KIAA1671: variants seen among roughly 807,000 people sequenced by gnomAD.
The protein encoded by KIAA1671 is KIAA1671.
KIAA1671 carries 52 observed loss-of-function variants against 131.2 expected under a neutral mutation model. The observed-to-expected ratio is 0.40, with a 90% CI of 0.32 to 0.50. The LOEUF (loss-of-function observed/expected upper bound fraction) is 0.50. Among genes scored for constraint, KIAA1671 ranks in the 20% least tolerant of loss-of-function variants. The pLI, the probability that KIAA1671 is intolerant of heterozygous loss-of-function variation, is 0.73. For missense variants in KIAA1671, 2,360 were observed against 2,364.2 expected (o/e 1.00, Z 0.04); for synonymous variants, 1,003 against 961.6 (o/e 1.04, Z -0.80).
chr22:25,170,952 G>C lies in KIAA1671; in HGVS notation c.4649+14G>C. The C allele has an allele frequency of 6.5e-7, 1 of 1,549,524 alleles. No individual in the cohort carries two copies. Among genetic ancestry groups the C allele is most frequent in the Non-Finnish European group, 8.7e-7 (1 of 1,145,158 alleles). On this transcript the variant is annotated intron_variant, in intron 7 of 12. Coordinates refer to ENST00000358431, the MANE Select transcript of KIAA1671 (RefSeq NM_001145206.2). Reference sequence around the variant, plus strand: ...GAGTGGGGAGAGGTAGGACGCGTGCGACGGGATTCTGGCTGCAAAGGGGGC... The same window carrying C: ...GAGTGGGGAGAGGTAGGACGCGTGCCACGGGATTCTGGCTGCAAAGGGGGC...
chr22:25,058,689 T>C (rs1473926362), intron 6 of KIAA1671: 1 of 152,186 alleles, frequency 6.6e-6, no homozygotes, highest in South Asian at 2.1e-4. Flanking sequence ...TAATGAACCA[T>C]CACAGAACTT....
At chr22:24,967,717 G>A (rs1474548379) in intron 1 of KIAA1671, among the ~76,000 whole-genome samples, 1 of 152,208 alleles carries the variant, frequency 6.6e-6, no homozygotes, top group African/African-American at 2.4e-5. Flanking sequence ...TGAGGGCCGG[G>A]CGCGGTGGCT....
At chr22:25,093,812 G>GTCTCTCTCTTTCTC in intron 6 of KIAA1671, among the ~76,000 whole-genome samples, 1 of 31,042 alleles carries the variant, frequency 3.2e-5, no homozygotes, top group African/African-American at 2.2e-4. Context: ...CTCTCTCTCT[G>GTCTCTCTCTTTCTC]TCTCTCTCTC....
At chr22:25,048,916 A>G in intron 5 of KIAA1671, 1 of 293,782 alleles carries the variant, frequency 3.4e-6, no homozygotes, top group South Asian at 4.4e-5. Context: ...CATCATGTAC[A>G]TTCCATGTGC....
At chr22:25,098,621 G>A (rs975195094) in intron 6 of KIAA1671, among the ~76,000 whole-genome samples, 1 of 150,976 alleles carries the variant, frequency 6.6e-6, no homozygotes, top group Non-Finnish European at 1.5e-5. Flanking sequence ...AAACAACTGG[G>A]TGGAGGGGGC....
chr22:25,093,750 CTCTCTCTCTCTCTCTCTG>C (rs1568951044), intron 6 of KIAA1671, among the ~76,000 whole-genome samples: 16 of 119,030 alleles, frequency 1.3e-4, no homozygotes, highest in East Asian at 2.5e-4. Context: ...CTCTCTCTCT[CTCTCTCTCTCTCTCTCTG>C]TCTCTCTCTC....
chr22:25,150,136 C>T (rs1932985686), intron 6 of KIAA1671, among the ~76,000 whole-genome samples: 1 of 152,238 alleles, frequency 6.6e-6, no homozygotes, highest in Non-Finnish European at 1.5e-5. Flanking sequence ...GTGTCCTGAG[C>T]GAGCACCAGA....
At chr22:25,144,736 C>T (rs9620487) in intron 6 of KIAA1671, among the ~76,000 whole-genome samples, 11,204 of 152,112 alleles carry the variant, frequency 0.074, 1,334 homozygotes, top group African/African-American at 0.25. Flanking sequence ...AGGGACTTGC[C>T]CAGGGCCCCA....
At chr22:24,956,931 C>A (rs1197260601) in intron 1 of KIAA1671, among the ~76,000 whole-genome samples, 1 of 151,444 alleles carries the variant, frequency 6.6e-6, no homozygotes, top group Non-Finnish European at 1.5e-5. Context: ...CAGGGCAAAC[C>A]CTGGCCCTGC....
chr22:25,135,595 G>A (rs554949372), intron 6 of KIAA1671, among the ~76,000 whole-genome samples: 39 of 152,298 alleles, frequency 2.6e-4, no homozygotes, highest in Non-Finnish European at 5.0e-4. Context: ...AAGAATTGAA[G>A]TCAGACATGT....
At chr22:25,082,271 C>T (rs1185951142) in intron 6 of KIAA1671, among the ~76,000 whole-genome samples, 3 of 152,098 alleles carry the variant, frequency 2.0e-5, no homozygotes, top group East Asian at 3.9e-4. Flanking sequence ...GTTGGCTTGC[C>T]GTGCACGTGT....
At chr22:25,025,432 TA>T (rs1278079287) in intron 1 of KIAA1671, among the ~76,000 whole-genome samples, 200 bp from the exon 2 acceptor site, 2 of 152,172 alleles carry the variant, frequency 1.3e-5, no homozygotes, top group African/African-American at 4.8e-5. Flanking sequence ...GGAAGATTTT[TA>T]TTGAGCACGT....
chr22:24,961,968 G>A (rs939151971), intron 1 of KIAA1671, among the ~76,000 whole-genome samples: 11 of 152,232 alleles, frequency 7.2e-5, no homozygotes, highest in African/African-American at 2.7e-4. Context: ...CACCAACTGA[G>A]TCTCAGTTTC....
intron 1 of KIAA1671, among the ~76,000 whole-genome samples, chr22:24,984,912 CAAAAAAAAAAAAAA>C (rs60969204): frequency 3.7e-5 from 2 of 54,454 alleles, no homozygotes; most frequent in East Asian, 6.1e-4. Flanking sequence ...GACTACGTCT[CAAAAAAAAAAAAAA>C]AAAAAAAAAA....
intron 1 of KIAA1671, among the ~76,000 whole-genome samples, chr22:25,018,019 ACCTCCT>A (rs369856501): frequency 6.6e-4 from 95 of 144,804 alleles, no homozygotes; most frequent in African/African-American, 2.3e-3. Context: ...GCTGACACCA[ACCTCCT>A]CCTCCTCCTC....
intron 1 of KIAA1671, among the ~76,000 whole-genome samples, chr22:24,959,923 A>C (rs1921923770): frequency 6.6e-6 from 1 of 151,860 alleles, no homozygotes; most frequent in African/African-American, 2.4e-5. Context: ...GGATCATTTG[A>C]GGTCAGGAGT....
intron 1 of KIAA1671, among the ~76,000 whole-genome samples, chr22:25,016,563 A>G (rs1054804634): frequency 2.6e-5 from 4 of 152,188 alleles, no homozygotes; most frequent in Non-Finnish European, 5.9e-5. Context: ...CAAAGCCGTC[A>G]CTGCAGGTTC....
chr22:25,109,224 C>T (rs986750362), intron 6 of KIAA1671, among the ~76,000 whole-genome samples: 19 of 152,032 alleles, frequency 1.2e-4, no homozygotes, highest in African/African-American at 3.4e-4. Flanking sequence ...ATTCTCCTGC[C>T]TCAGCCTCCC....
chr22:25,094,979 A>C (rs1356461772), intron 6 of KIAA1671, among the ~76,000 whole-genome samples: 1 of 152,178 alleles, frequency 6.6e-6, no homozygotes, highest in Non-Finnish European at 1.5e-5. Flanking sequence ...TGTAGTAGAC[A>C]AAACAGACAG....
Sources: gnomAD v4.1 joint callset for allele counts (sites outside exome capture counted in the v4.1 genomes callset) on GRCh38, gnomAD v4.1.1 for gene constraint, MANE v1.5 for transcripts, NCBI Gene and HGNC (gene_info 2026-07-23, HGNC 2026-07-21) for gene names.